Variants in PTPRT observed in about 807,000 individuals in gnomAD.
PTPRT encodes the protein receptor-type tyrosine-protein phosphatase T.
Under a neutral mutation model 176.8 loss-of-function variants are expected in PTPRT, and 56 were observed. The observed-to-expected ratio is 0.32, with a 90% CI of 0.26 to 0.40. The LOEUF (loss-of-function observed/expected upper bound fraction) is 0.40. Ranked by LOEUF, PTPRT falls within the 10% of genes least tolerant of loss-of-function variation. The probability of loss-of-function intolerance (pLI) is 1.00; values close to 1 mark genes in which losing one functional copy is unlikely to be tolerated. For synonymous variants in PTPRT, 783 were observed against 739.0 expected (o/e 1.06, Z -0.96); for missense variants, 1,540 against 1,908.2 (o/e 0.81, Z 3.60).
At chr20:42,130,969 T>C (rs934249197) in intron 18 of PTPRT, among the ~76,000 whole-genome samples, 4 of 152,238 alleles carry the variant, frequency 2.6e-5, no homozygotes, top group African/African-American at 9.6e-5. Context: ...TATGGTATTA[T>C]GAGTCTTCCC....
Position 42,771,376 on chromosome 20 carries a change from G to C in PTPRT, c.684+59C>G, listed in dbSNP as rs990842776. 2.8e-6 allele frequency: 4 copies of C among 1,449,084 alleles called. No homozygotes were observed. In the Admixed American group the frequency reaches 6.8e-5, roughly 25 times the overall value. 89.8% of individuals were successfully genotyped at this position (1,449,084 alleles called of 1,614,324 possible). On this transcript the variant is annotated intron_variant, in intron 5 of 30. Coordinates refer to ENST00000373187, the MANE Select transcript of PTPRT (RefSeq NM_007050.6). ...GTTGCCATAGAGCTGCTTCCTTCCA[G>C]TCCTTCTTTTCCCTTTCTCATCCTA...
At chr20:42,896,979 G>T (rs1319327675) in intron 1 of PTPRT, among the ~76,000 whole-genome samples, 2 of 152,192 alleles carry the variant, frequency 1.3e-5, no homozygotes, top group East Asian at 3.9e-4. Flanking sequence ...ATTTGGAGAA[G>T]TGTGTGCCGG....
intron 1 of PTPRT, among the ~76,000 whole-genome samples, chr20:42,923,703 C>T (rs1979303656): frequency 6.6e-6 from 1 of 152,240 alleles, no homozygotes; most frequent in Admixed American, 6.5e-5. Flanking sequence ...AGCCCTGGCA[C>T]CAGTCCCAGG....
chr20:43,159,104 G>T (rs535333502), intron 1 of PTPRT, among the ~76,000 whole-genome samples: 4 of 152,196 alleles, frequency 2.6e-5, no homozygotes, highest in Admixed American at 6.5e-5. Flanking sequence ...AGCCAGTGAA[G>T]GGTGTGTTCT....
At chr20:42,886,048 TCC>T in intron 1 of PTPRT, 116 bp from the exon 2 acceptor site, 1 of 489,804 alleles carries the variant, frequency 2.0e-6, no homozygotes, top group Non-Finnish European at 2.9e-6. Flanking sequence ...GAGAAGATTT[TCC>T]ATATATATAT....
intron 17 of PTPRT, among the ~76,000 whole-genome samples, chr20:42,156,299 C>T (rs1238230574): frequency 2.0e-5 from 3 of 152,186 alleles, no homozygotes; most frequent in Admixed American, 1.3e-4. Context: ...CATTCCCTAG[C>T]AGGCAAGGGC....
At chr20:42,622,803 C>G (rs1417460026) in intron 7 of PTPRT, among the ~76,000 whole-genome samples, 1 of 152,320 alleles carries the variant, frequency 6.6e-6, no homozygotes, top group East Asian at 1.9e-4. Flanking sequence ...CTGATACGGA[C>G]AGGAGATAGG....
intron 2 of PTPRT, among the ~76,000 whole-genome samples, chr20:42,885,209 C>A (rs1475986695): frequency 6.9e-6 from 1 of 144,744 alleles, no homozygotes; most frequent in Non-Finnish European, 1.5e-5. Flanking sequence ...TGGAAGTATC[C>A]CTAAATATAT....
At chr20:42,640,406 A>AT (rs35838312) in intron 7 of PTPRT, among the ~76,000 whole-genome samples, 16,055 of 151,380 alleles carry the variant, frequency 0.11, 1,035 homozygotes, top group Middle Eastern at 0.16. Context: ...AAAAAAAAAA[A>AT]TTTTTTTGAG....
intron 1 of PTPRT, among the ~76,000 whole-genome samples, chr20:43,060,069 G>A (rs77589561): frequency 2.2e-4 from 33 of 151,562 alleles, no homozygotes; most frequent in East Asian, 9.7e-4. Flanking sequence ...TTTCTAGCAC[G>A]TACCTCAAAA....
At chr20:42,594,353 G>A (rs546598237) in intron 7 of PTPRT, among the ~76,000 whole-genome samples, 141 of 152,148 alleles carry the variant, frequency 9.3e-4, no homozygotes, top group African/African-American at 3.3e-3. Flanking sequence ...AAATTGGTTC[G>A]TGAAACAGAC....
At chr20:42,822,106 C>CAAACA (rs2077904970) in intron 2 of PTPRT, among the ~76,000 whole-genome samples, 1 of 152,010 alleles carries the variant, frequency 6.6e-6, no homozygotes, top group Non-Finnish European at 1.5e-5. Flanking sequence ...CAATCCTAAG[C>CAAACA]AAACAAAACA....
At chr20:42,922,512 C>T (rs185324744) in intron 1 of PTPRT, among the ~76,000 whole-genome samples, 4 of 152,362 alleles carry the variant, frequency 2.6e-5, no homozygotes, top group Non-Finnish European at 5.9e-5. Flanking sequence ...GTCTCACATG[C>T]CCAAAGCCAA....
chr20:43,121,662 T>C (rs1568797533), intron 1 of PTPRT, among the ~76,000 whole-genome samples: 1 of 152,200 alleles, frequency 6.6e-6, no homozygotes, highest in Non-Finnish European at 1.5e-5. Context: ...TGCTTTCTTT[T>C]TTTAGAGACA....
At chr20:43,120,715 G>C (rs2013228191) in intron 1 of PTPRT, among the ~76,000 whole-genome samples, 1 of 152,210 alleles carries the variant, frequency 6.6e-6, no homozygotes, top group Non-Finnish European at 1.5e-5. Flanking sequence ...CAGGGGTCAA[G>C]TCTACATGAA....
At chr20:42,776,006 G>A (rs886761418) in intron 4 of PTPRT, among the ~76,000 whole-genome samples, 1 of 152,194 alleles carries the variant, frequency 6.6e-6, no homozygotes, top group South Asian at 2.1e-4. Context: ...TTGCATGACA[G>A]GTAATCCCTG....
chr20:42,421,849 A>G (rs530475515), intron 9 of PTPRT, among the ~76,000 whole-genome samples: 1 of 152,302 alleles, frequency 6.6e-6, no homozygotes, highest in East Asian at 1.9e-4. Context: ...TGGTACAAAA[A>G]CAGACACAGA....
chr20:43,174,849 T>C (rs2015088416), intron 1 of PTPRT, among the ~76,000 whole-genome samples: 2 of 152,202 alleles, frequency 1.3e-5, no homozygotes, highest in Non-Finnish European at 2.9e-5. Flanking sequence ...AACTGATCCA[T>C]TGGGAAAATA....
chr20:42,248,341 G>A (rs1000088696), intron 14 of PTPRT, among the ~76,000 whole-genome samples: 5 of 152,160 alleles, frequency 3.3e-5, no homozygotes. Flanking sequence ...TGTTCCTGGG[G>A]CTCCCGAGCT....
Sources: gnomAD v4.1 joint callset for allele counts (sites outside exome capture counted in the v4.1 genomes callset) on GRCh38, gnomAD v4.1.1 for gene constraint, MANE v1.5 for transcripts, NCBI Gene and HGNC (gene_info 2026-07-23, HGNC 2026-07-21) for gene names.